The following PXK variants were observed in gnomAD, a reference collection of about 807,000 sequenced individuals.
The protein encoded by PXK is PX domain-containing protein kinase-like protein.
Under a neutral mutation model 84.7 loss-of-function variants are expected in PXK, and 35 were observed. The observed-to-expected ratio is 0.41, with a 90% confidence interval of 0.32 to 0.55. PXK has a LOEUF of 0.55. Ranked by LOEUF, PXK falls within the 20% of genes least tolerant of loss-of-function variation. The pLI is 0.21. For synonymous variants in PXK, 253 were observed against 260.8 expected (o/e 0.97, Z 0.29); for missense variants, 634 against 699.7 (o/e 0.91, Z 1.06).
chr3:58,334,959 CTGTGTGTG>C (rs1160895291), intron 1 of PXK, among the ~76,000 whole-genome samples: 5 of 125,640 alleles, frequency 4.0e-5, no homozygotes, highest in South Asian at 5.3e-4. Flanking sequence ...GTGTGTGTGT[CTGTGTGTG>C]TGTGTGTGTG....
chr3:58,423,614 G>A, intron 17 of PXK: 1 of 1,485,606 alleles, frequency 6.7e-7, no homozygotes, highest in Non-Finnish European at 9.0e-7. Context: ...ACTTAAGTAG[G>A]GTAGCTTTAC....
chr3:58,393,650 G>T (rs1182338781), intron 7 of PXK, among the ~76,000 whole-genome samples: 1 of 151,618 alleles, frequency 6.6e-6, no homozygotes, highest in Non-Finnish European at 1.5e-5. Flanking sequence ...TTTTAAAAAA[G>T]AAAAAAGCCA....
rs899044104 is a variant in PXK at position 58,391,857 on chromosome 3, C to T, written c.615+10C>T. 9 of 1,596,838 alleles carry T rather than the reference C, an allele frequency of 5.6e-6. No individual in the cohort carries two copies. Among genetic ancestry groups the T allele is most frequent in the Middle Eastern group, 1.7e-4 (1 of 6,048 alleles). On this transcript the variant is annotated intron_variant, in intron 7 of 17. Coordinates refer to ENST00000356151, the MANE Select transcript of PXK (RefSeq NM_017771.5). ...TCTGCCTTCTTGTTTGGTGAGTATA[C>T]GTCTTTCTTTTATTCTCAGTGCTGA... is the stretch of plus-strand genomic sequence containing the variant.
At position 58,409,649 on chromosome 3, in the gene PXK, A is replaced by G. The variant is rs908388949; in HGVS notation, c.1395+31A>G. On this transcript the variant is annotated intron_variant, in intron 15 of 17. Transcript: ENST00000356151. The surrounding 1 kb of genome is among the most constrained non-coding windows in gnomAD (Gnocchi z 4.2). ...CCTGCTGTCTCTCTGCAGTCCCTCT[A>G]TGAGTTCTTGAGTACATGTGAAGAA... 16 of 1,558,788 alleles carry G rather than the reference A, an allele frequency of 1.0e-5. No individual in the cohort carries two copies. Among genetic ancestry groups the G allele is most frequent in the African/African-American group, 1.4e-5 (1 of 72,586 alleles).
chr3:58,386,156 T>C (rs2098548797), intron 4 of PXK, among the ~76,000 whole-genome samples: 1 of 152,166 alleles, frequency 6.6e-6, no homozygotes, highest in Non-Finnish European at 1.5e-5. Context: ...CTTGGTCTTC[T>C]GTGAGGGAGT....
intron 1 of PXK, among the ~76,000 whole-genome samples, chr3:58,358,543 C>T (rs925172244): frequency 1.3e-5 from 2 of 152,310 alleles, no homozygotes; most frequent in Middle Eastern, 3.4e-3. Flanking sequence ...CCCAAGCCTC[C>T]ATGGGCTGGT....
intron 1 of PXK, among the ~76,000 whole-genome samples, chr3:58,345,395 G>C (rs1458305710): frequency 6.6e-6 from 1 of 152,152 alleles, no homozygotes; most frequent in Non-Finnish European, 1.5e-5. Flanking sequence ...ACTAAAAATT[G>C]TTTGGGATCT....
At chr3:58,365,953 A>G (rs768545033) in intron 2 of PXK, 29 bp downstream of exon 2, 46 of 1,453,652 alleles carry the variant, frequency 3.2e-5, no homozygotes, top group East Asian at 7.0e-5. Context: ...TTTTTTGTCA[A>G]TTAGAAAAAT....
At chr3:58,403,393 A>T (rs55964615) in intron 12 of PXK, among the ~76,000 whole-genome samples, 42,517 of 152,126 alleles carry the variant, frequency 0.28, 6,953 homozygotes, top group Middle Eastern at 0.39. Context: ...GAAGAAAATT[A>T]CTTTCCTGTT....
Position 58,421,307 on chromosome 3 carries a change from C to G in PXK, c.1529-3445C>G. The G allele has an allele frequency of 1.0e-6, 1 of 985,046 alleles. No homozygotes were observed. The allele number at this position is 985,046 out of a possible 1,614,324, so 61.0% of individuals were successfully genotyped here. On this transcript the variant is annotated intron_variant, in intron 17 of 17. Transcript: ENST00000356151. This position sits in a 1 kb window ranked among gnomAD's most constrained non-coding sequence, Gnocchi z 5.5. ...AGAGTCGGTGGGGAAGGGAGCCAGGCGCAGTGGCTCACATCTATAATCTCA... is the reference window on the plus strand; with the variant it reads ...AGAGTCGGTGGGGAAGGGAGCCAGGGGCAGTGGCTCACATCTATAATCTCA...
intron 3 of PXK, among the ~76,000 whole-genome samples, chr3:58,375,491 G>A (rs1053468544): frequency 1.3e-5 from 2 of 152,076 alleles, no homozygotes; most frequent in Admixed American, 6.6e-5. Flanking sequence ...ACCATATCCC[G>A]GGCTAAGACA....
chr3:58,338,978 C>G (rs2097676224), intron 1 of PXK, among the ~76,000 whole-genome samples: 1 of 151,820 alleles, frequency 6.6e-6, no homozygotes, highest in South Asian at 2.1e-4. Flanking sequence ...CCACTGCACT[C>G]AGCCATCTTG....
At chr3:58,423,068 G>C in intron 17 of PXK, 1 of 985,348 alleles carries the variant, frequency 1.0e-6, no homozygotes, top group South Asian at 4.7e-5. Context: ...TCACTCCTTC[G>C]GGCCCACTTG....
At position 58,400,050 on chromosome 3, in the gene PXK, T is replaced by C. The variant is rs2058324513; in HGVS notation, c.1181+673T>C. Among the ~76,000 whole-genome samples the C allele has an allele frequency of 6.6e-6, 1 of 152,044 alleles. No individual in the cohort carries two copies. Among genetic ancestry groups the C allele is most frequent in the Non-Finnish European group, 1.5e-5 (1 of 67,998 alleles). Reference sequence around the variant, plus strand: ...GCAGAGTGGTTAAGAAGGGTGTGCCTGGGGTGGGACAGACCTGGAGGTGGA... The same window carrying C: ...GCAGAGTGGTTAAGAAGGGTGTGCCCGGGGTGGGACAGACCTGGAGGTGGA... On this transcript the variant is annotated intron_variant, in intron 12 of 17. Transcript: ENST00000356151. The surrounding 1 kb of genome is among the most constrained non-coding windows in gnomAD (Gnocchi z 4.0).
At chr3:58,410,688 T>C (rs1032640366) in intron 16 of PXK, among the ~76,000 whole-genome samples, 1 of 152,234 alleles carries the variant, frequency 6.6e-6, no homozygotes, top group African/African-American at 2.4e-5. Context: ...CCAGCTCTGC[T>C]GGCTTTGGGC....
At chr3:58,336,071 A>ATTTTTTTTT (rs1171021563) in intron 1 of PXK, among the ~76,000 whole-genome samples, 1 of 51,572 alleles carries the variant, frequency 1.9e-5, no homozygotes, top group Admixed American at 2.8e-4. Context: ...ATATATATAT[A>ATTTTTTTTT]TTTTTTTTTT....
chr3:58,380,674 A>G (rs1293864232), intron 3 of PXK, among the ~76,000 whole-genome samples: 1 of 152,078 alleles, frequency 6.6e-6, no homozygotes, highest in Non-Finnish European at 1.5e-5. Context: ...AGCCGGGTGC[A>G]GTGGCACATG....
Position 58,397,844 on chromosome 3 carries a change from C to T in PXK, c.1102+122C>T. On this transcript the variant is annotated intron_variant, in intron 11 of 17. Transcript: ENST00000356151. The surrounding 1 kb of genome is among the most constrained non-coding windows in gnomAD (Gnocchi z 4.7). ...TGTCCTCCACAGCCAGAAATTCTTA[C>T]AAAATTTAAAAGTAGACCAAATTTG... is the stretch of plus-strand genomic sequence containing the variant. The T allele has an allele frequency of 1.3e-6, 1 of 755,382 alleles. No homozygotes were observed. The highest frequency in any genetic ancestry group is 2.1e-5 in the South Asian group (1 of 46,558). The allele number at this position is 755,382 out of a possible 1,614,324, so 46.8% of individuals were successfully genotyped here.
At position 58,390,592 on chromosome 3, in the gene PXK, G is replaced by C. The variant is rs1443577447; in HGVS notation, c.399G>C (p.Leu133Phe). ...NYSANYTEIA[L>F]QQVSMFFRSE... ...AAAATGTCTTTGCAGAGATTGCCTT[G>C]CAACAGGTTTCCATGTTCTTCCGAT... is the stretch of plus-strand genomic sequence containing the variant. Residue 133 changes from leucine to phenylalanine, a missense_variant, in exon 5 of 18, where the codon TTG (leucine) becomes TTC (phenylalanine). Coordinates refer to ENST00000356151, the MANE Select transcript of PXK (RefSeq NM_017771.5). The surrounding 1 kb of genome is among the most constrained non-coding windows in gnomAD (Gnocchi z 4.2). 6.2e-7 allele frequency: 1 copy of C among 1,612,716 alleles called. No individual in the cohort carries two copies. The highest frequency in any genetic ancestry group is 1.3e-5 in the African/African-American group (1 of 74,876).
Sources: gnomAD v4.1 joint callset for allele counts (sites outside exome capture counted in the v4.1 genomes callset) on GRCh38, gnomAD v4.1.1 for gene constraint, Gnocchi (gnomAD v3.1) non-coding constraint, MANE v1.5 for transcripts, NCBI Gene and HGNC (gene_info 2026-07-23, HGNC 2026-07-21) for gene names.